CCDC186: variants seen among roughly 807,000 people sequenced by gnomAD.
CCDC186 encodes the protein coiled-coil domain containing 186, also known as coiled-coil domain-containing protein 186.
In CCDC186, 49 loss-of-function variants were observed where a neutral mutation model predicts 113.7. The ratio of observed to expected loss-of-function variants is 0.43; its 90% CI spans 0.34 to 0.55. The LOEUF is 0.55. Ranked by LOEUF, CCDC186 falls within the 20% of genes least tolerant of loss-of-function variation. The pLI is 0.02. For missense variants in CCDC186, 890 were observed against 1,011.1 expected (o/e 0.88, Z 1.62); for synonymous variants, 355 against 345.8 (o/e 1.03, Z -0.30).
intron 1 of CCDC186, chr10:114,165,785 T>C (rs1589633683): frequency 3.5e-6 from 2 of 574,966 alleles, no homozygotes; most frequent in Non-Finnish European, 4.3e-6. Flanking sequence ...GAGGCGGAGG[T>C]TGTAGTGGGC....
chr10:114,140,512 G>A (rs567037084), intron 6 of CCDC186, among the ~76,000 whole-genome samples: 71 of 152,252 alleles, frequency 4.7e-4, no homozygotes, highest in Non-Finnish European at 8.5e-4. Context: ...CCAAGATGTC[G>A]TATGTCAAAT....
At chr10:114,125,309 C>T in intron 15 of CCDC186, 83 bp from the exon 16 acceptor site, 1 of 1,104,568 alleles carries the variant, frequency 9.1e-7, no homozygotes, top group African/African-American at 1.6e-5. Flanking sequence ...CTATTTTTTG[C>T]CTAAATTTTG....
At chr10:114,149,794 A>C (rs138524477) in intron 4 of CCDC186, among the ~76,000 whole-genome samples, 17,418 of 45,616 alleles carry the variant, frequency 0.38, 1,707 homozygotes, top group African/African-American at 0.46. Flanking sequence ...GGCAGGAAGG[A>C]AGGAAGGAAG....
rs756313578 is a variant in CCDC186 at position 114,132,106 on chromosome 10, G to A, written c.1734C>T (p.Ile578=). 3.2e-5 allele frequency: 52 copies of A among 1,613,020 alleles called. No homozygotes were observed. The highest frequency in any genetic ancestry group is 4.1e-5 in the Non-Finnish European group (48 of 1,179,604). Residue 578 remains isoleucine (I), a synonymous_variant, in exon 11 of 16, where the codon ATC becomes ATT. Coordinates refer to ENST00000369287, the MANE Select transcript of CCDC186 (RefSeq NM_018017.4). ...NSLINDLQKD[I]EGSRKRESEL... Reference sequence around the variant, plus strand: ...CAGATTCTCTTTTCCTACTGCCTTCGATGTCTTTTTGTAGGTCATTAATCA... The same window carrying A: ...CAGATTCTCTTTTCCTACTGCCTTCAATGTCTTTTTGTAGGTCATTAATCA...
chr10:114,164,040 A>T (rs1027325745), intron 1 of CCDC186, among the ~76,000 whole-genome samples: 3 of 146,730 alleles, frequency 2.0e-5, no homozygotes, highest in Non-Finnish European at 4.5e-5. Flanking sequence ...CAATAAAAGC[A>T]ACTTTATTAA....
intron 10 of CCDC186, 74 bp downstream of exon 10, chr10:114,134,839 C>T: frequency 2.6e-6 from 4 of 1,512,040 alleles, no homozygotes; most frequent in East Asian, 2.4e-5. Flanking sequence ...AATGCAATAA[C>T]TGCATTTAGA....
intron 6 of CCDC186, among the ~76,000 whole-genome samples, chr10:114,140,092 A>G (rs1002875217): frequency 2.0e-5 from 3 of 152,252 alleles, no homozygotes; most frequent in Admixed American, 6.5e-5. Context: ...GAAAACAAAC[A>G]TAATCTCACC....
At position 114,173,364 on chromosome 10, in the gene CCDC186, G is replaced by A. The variant is rs187113296; in HGVS notation, c.-62+651C>T. On this transcript the variant is annotated intron_variant, in intron 1 of 15. Transcript: ENST00000369287. ...ACTGTTTCCCAAGATTGCTACTTAG[G>A]GACACGTAGAAGGGTTTTTGTTTTG... 9.9e-5 allele frequency: 32 copies of A among 322,094 alleles called. No individual in the cohort carries two copies. The East Asian group carries it at 2.0e-3, about 20-fold the overall frequency. 20.0% of individuals were successfully genotyped at this position (322,094 alleles called of 1,614,324 possible).
rs541794757 is a variant in CCDC186, at chr10:114,122,713, A to G, written c.*2430T>C. The G allele has an allele frequency of 5.3e-5, 8 of 152,346 alleles. No homozygotes were observed. The highest frequency in any genetic ancestry group is 1.9e-4 in the African/African-American group (8 of 41,582). 9.4% of individuals were successfully genotyped at this position (152,346 alleles called of 1,614,324 possible). On this transcript the variant is annotated 3_prime_UTR_variant, in exon 16 of 16. Coordinates refer to ENST00000369287, the MANE Select transcript of CCDC186 (RefSeq NM_018017.4). ...CATCAGGAGCTGTCTGTGAATTAGT[A>G]TAGAGATAAGTATCTCTGATACATG...
At chr10:114,139,585 A>G (rs2031401526) in intron 6 of CCDC186, among the ~76,000 whole-genome samples, 2 of 151,924 alleles carry the variant, frequency 1.3e-5, no homozygotes, top group African/African-American at 4.8e-5. Context: ...GAAAAGAAAA[A>G]AAAACAAAAA....
At chr10:114,167,015 G>GT (rs201434736) in intron 1 of CCDC186, among the ~76,000 whole-genome samples, 3,197 of 127,198 alleles carry the variant, frequency 0.025, 59 homozygotes, top group African/African-American at 0.049. Flanking sequence ...TTGCAAGCTG[G>GT]TTTTTTTTTT....
intron 1 of CCDC186, among the ~76,000 whole-genome samples, 188 bp from the exon 2 acceptor site, chr10:114,163,517 G>GT (rs1022823107): frequency 6.6e-6 from 1 of 152,176 alleles, no homozygotes; most frequent in Admixed American, 6.5e-5. Flanking sequence ...GCTACAAGCA[G>GT]TAGGGCCACT....
intron 1 of CCDC186, among the ~76,000 whole-genome samples, chr10:114,169,234 CTT>C (rs34677282): frequency 3.7e-4 from 36 of 97,510 alleles, no homozygotes; most frequent in Middle Eastern, 0.014. Flanking sequence ...TAGTACCATT[CTT>C]TTTTTTTTTT....
At chr10:114,162,206 G>A (rs1365591543) in intron 2 of CCDC186, 1 of 153,752 alleles carries the variant, frequency 6.5e-6, no homozygotes, top group African/African-American at 2.4e-5. Context: ...ATCCAAAACT[G>A]TATTATTATT....
At chr10:114,156,970 G>A (rs1477998636) in intron 3 of CCDC186, among the ~76,000 whole-genome samples, 2 of 151,950 alleles carry the variant, frequency 1.3e-5, no homozygotes, top group South Asian at 2.1e-4. Flanking sequence ...AACTCAAATC[G>A]TCTTTTTGCT....
chr10:114,150,299 A>T (rs2031806637), intron 4 of CCDC186, among the ~76,000 whole-genome samples: 1 of 152,240 alleles, frequency 6.6e-6, no homozygotes, highest in Admixed American at 6.5e-5. Context: ...GCAAGTAATA[A>T]AAAAGCACTG....
intron 6 of CCDC186, among the ~76,000 whole-genome samples, chr10:114,138,386 T>C (rs535217573): frequency 1.7e-4 from 24 of 145,116 alleles, no homozygotes; most frequent in African/African-American, 6.0e-4. Context: ...CTCCGCCTCC[T>C]GGGTTCAAGT....
rs2030723558 is a variant in CCDC186 at position 114,121,544 on chromosome 10, A to G, written c.*3599T>C. 4 of 152,252 alleles carry G rather than the reference A, an allele frequency of 2.6e-5. No homozygotes were observed. The South Asian group carries it at 8.3e-4, about 31-fold the overall frequency. The allele number at this position is 152,252 out of a possible 1,614,324, so 9.4% of individuals were successfully genotyped here. Reference sequence around the variant, plus strand: ...ATTTAATGGTAAAAAATCTAATGCCATCTTATGGTCTTTGGATTTTTTATT... The same window carrying G: ...ATTTAATGGTAAAAAATCTAATGCCGTCTTATGGTCTTTGGATTTTTTATT... On this transcript the variant is annotated 3_prime_UTR_variant, in exon 16 of 16. Coordinates refer to ENST00000369287, the MANE Select transcript of CCDC186 (RefSeq NM_018017.4).
chr10:114,167,800 A>T (rs796705811), intron 1 of CCDC186, among the ~76,000 whole-genome samples: 13 of 42,094 alleles, frequency 3.1e-4, no homozygotes, highest in African/African-American at 1.1e-3. Context: ...TAATCTCCGT[A>T]AAAAAAAAAA....
Sources: allele counts gnomAD v4.1 joint callset (sites outside exome capture counted in the v4.1 genomes callset), GRCh38; gene constraint gnomAD v4.1.1; transcripts MANE v1.5; gene names NCBI Gene and HGNC (gene_info 2026-07-23, HGNC 2026-07-21).